The following DCC variants were observed in gnomAD, a reference collection of about 807,000 sequenced individuals.
DCC encodes netrin receptor DCC.
DCC carries 58 observed loss-of-function variants against 172.5 expected under a neutral mutation model. The observed-to-expected ratio is 0.34, with a 90% CI of 0.27 to 0.42. The LOEUF is 0.42. Ranked by LOEUF, DCC falls within the 10% of genes least tolerant of loss-of-function variation. DCC has a pLI of 1.00. For synonymous variants in DCC, 709 were observed against 644.5 expected (o/e 1.10, Z -1.52); for missense variants, 1,740 against 1,791.0 (o/e 0.97, Z 0.51).
At chr18:53,302,300 A>T (rs1173172506) in intron 12 of DCC, among the ~76,000 whole-genome samples, 1 of 152,134 alleles carries the variant, frequency 6.6e-6, no homozygotes, top group Non-Finnish European at 1.5e-5. Flanking sequence ...TCTGAGTAAC[A>T]AACATGACAT....
chr18:52,942,905 A>G (rs771272310), intron 5 of DCC, among the ~76,000 whole-genome samples: 4 of 152,320 alleles, frequency 2.6e-5, no homozygotes, highest in Middle Eastern at 3.4e-3. Flanking sequence ...ATTTGAAGCA[A>G]ACAGGGTCTG....
At chr18:52,344,752 G>T (rs1292377058) in intron 1 of DCC, among the ~76,000 whole-genome samples, 2 of 150,452 alleles carry the variant, frequency 1.3e-5, no homozygotes, top group African/African-American at 4.9e-5. Context: ...TTTCTTTGGA[G>T]AATTTGCCAT....
rs74178668 is a variant in DCC, at chr18:52,439,174, T to TTATGTGTGTGTG, written c.91+98297_91+98298insATGTGTGTGTGT. ...CTGTTAATATTTTGGAAGATATGTT[T>TTATGTGTGTGTG]TGTGTGTGTGTGTGTGTGTGTGTGT... On this transcript the variant is annotated intron_variant, in intron 1 of 28. Transcript: ENST00000442544. Among the ~76,000 whole-genome samples, 75 of 144,848 alleles carry TTATGTGTGTGTG rather than the reference T, an allele frequency of 5.2e-4. 2 individuals carry two copies. The East Asian group carries it at 5.8e-3, about 11-fold the overall frequency.
At chr18:52,510,708 G>A (rs2031404779) in intron 1 of DCC, among the ~76,000 whole-genome samples, 1 of 152,070 alleles carries the variant, frequency 6.6e-6, no homozygotes, top group Non-Finnish European at 1.5e-5. Context: ...ACATCTTTTT[G>A]TGCCCTTATC....
intron 1 of DCC, among the ~76,000 whole-genome samples, chr18:52,411,638 A>C (rs1253220389): frequency 6.6e-6 from 1 of 152,136 alleles, no homozygotes; most frequent in Non-Finnish European, 1.5e-5. Flanking sequence ...TTCATCATGA[A>C]TAGTGAAGTA....
intron 5 of DCC, among the ~76,000 whole-genome samples, chr18:52,945,287 GA>G (rs2040526573): frequency 6.6e-6 from 1 of 152,112 alleles, no homozygotes; most frequent in Non-Finnish European, 1.5e-5. Context: ...GATCTTTATA[GA>G]AAGGTAAATG....
chr18:52,368,065 G>A (rs1278221056), intron 1 of DCC, among the ~76,000 whole-genome samples: 1 of 152,324 alleles, frequency 6.6e-6, no homozygotes, highest in Non-Finnish European at 1.5e-5. Context: ...GAAAGATCCT[G>A]CTGTTTGAGA....
At chr18:52,664,434 T>C (rs543146524) in intron 1 of DCC, among the ~76,000 whole-genome samples, 1 of 151,698 alleles carries the variant, frequency 6.6e-6, no homozygotes, top group African/African-American at 2.4e-5. Context: ...CATAAATCAG[T>C]TCAGTGGCCC....
intron 2 of DCC, among the ~76,000 whole-genome samples, chr18:52,819,655 C>A (rs534007893): frequency 5.3e-5 from 8 of 151,574 alleles, no homozygotes; most frequent in Non-Finnish European, 1.0e-4. Flanking sequence ...GGTGTGTTGT[C>A]TTATTTAGTA....
intron 1 of DCC, among the ~76,000 whole-genome samples, chr18:52,500,681 A>G (rs2030984060): frequency 6.6e-6 from 1 of 152,326 alleles, no homozygotes; most frequent in Middle Eastern, 3.4e-3. Flanking sequence ...AAATTAGCAT[A>G]CATTAACATT....
chr18:52,842,080 A>T (rs1484321462), intron 2 of DCC, among the ~76,000 whole-genome samples: 1 of 152,102 alleles, frequency 6.6e-6, no homozygotes, highest in Non-Finnish European at 1.5e-5. Context: ...TGTAAAGAAA[A>T]TTTAGTTTTA....
intron 1 of DCC, among the ~76,000 whole-genome samples, chr18:52,694,462 T>C (rs960089594): frequency 1.3e-5 from 2 of 152,116 alleles, no homozygotes. Context: ...AATGGCTCAG[T>C]CCCTTCCGGT....
chr18:52,723,893 C>G (rs1264338544), intron 1 of DCC, among the ~76,000 whole-genome samples: 2 of 152,176 alleles, frequency 1.3e-5, no homozygotes, highest in Non-Finnish European at 2.9e-5. Flanking sequence ...TCGGAGACGA[C>G]ATGATTCATA....
At chr18:52,472,197 G>A (rs550368114) in intron 1 of DCC, among the ~76,000 whole-genome samples, 2 of 152,130 alleles carry the variant, frequency 1.3e-5, no homozygotes, top group African/African-American at 4.8e-5. Flanking sequence ...AGTCAAAAGT[G>A]AGCTTCCTTT....
intron 27 of DCC, among the ~76,000 whole-genome samples, chr18:53,500,564 T>C (rs1304909292): frequency 6.6e-6 from 1 of 151,550 alleles, no homozygotes; most frequent in African/African-American, 2.4e-5. Flanking sequence ...CTATGAAGTA[T>C]AAATATTAAT....
chr18:53,267,541 G>A (rs556561787), intron 12 of DCC, among the ~76,000 whole-genome samples: 1 of 152,114 alleles, frequency 6.6e-6, no homozygotes, highest in East Asian at 1.9e-4. Context: ...ATGCAGTGGT[G>A]CAAACACTGC....
In DCC at chr18:53,416,124, T is replaced by C. The variant is rs1487063846; in HGVS notation, c.3131T>C (p.Val1044Ala). ...AATGTTATTTCTTTTTCCCCCGCAGTGGAACACCCTGACAAAATGGCTAAT... is the reference window on the plus strand; with the variant it reads ...AATGTTATTTCTTTTTCCCCCGCAGCGGAACACCCTGACAAAATGGCTAAT... ...SDPILFRTLK[V>A]EHPDKMANDQ... The change falls in exon 21 of 29, where the codon GTG (valine) becomes GCG (alanine). Residue 1044 changes from valine to alanine, a missense_variant and splice_region_variant. Physicochemically the swap from Val to Ala is moderately conservative, Grantham distance 64. This residue lies in a region of DCC where 1,732 missense variants were observed against 1,767.4 expected (regional missense o/e 0.98). Transcript: ENST00000442544. 2 of 1,609,676 alleles carry C rather than the reference T, an allele frequency of 1.2e-6. No individual in the cohort carries two copies. Among genetic ancestry groups the C allele is most frequent in the Admixed American group, 1.7e-5 (1 of 59,958 alleles).
chr18:52,722,047 A>G (rs1398728174), intron 1 of DCC, among the ~76,000 whole-genome samples: 2 of 152,206 alleles, frequency 1.3e-5, no homozygotes, highest in Non-Finnish European at 2.9e-5. Flanking sequence ...AAATAAATAA[A>G]TAAGTAAATA....
intron 22 of DCC, among the ~76,000 whole-genome samples, chr18:53,442,682 A>G (rs1005851540): frequency 6.6e-6 from 1 of 152,254 alleles, no homozygotes; most frequent in African/African-American, 2.4e-5. Flanking sequence ...AAAAGTCAAG[A>G]TAGGCTGAGA....
Sources: gnomAD v4.1 joint callset for allele counts (sites outside exome capture counted in the v4.1 genomes callset) on GRCh38, gnomAD v4.1.1 for gene constraint, gnomAD v4.1.1 regional missense constraint, MANE v1.5 for transcripts, NCBI Gene and HGNC (gene_info 2026-07-23, HGNC 2026-07-21) for gene names.